PTPRZ1: variants seen among roughly 807,000 people sequenced by gnomAD.
PTPRZ1 encodes protein tyrosine phosphatase receptor type Z1, also known as receptor-type tyrosine-protein phosphatase zeta.
PTPRZ1 carries 82 observed loss-of-function variants against 214.1 expected under a neutral mutation model. That is an observed-to-expected ratio of 0.38 (90% CI 0.32 to 0.46). The LOEUF is 0.46. Among genes scored for constraint, PTPRZ1 ranks in the 20% least tolerant of loss-of-function variants. The pLI is 1.00. For missense variants in PTPRZ1, 2,603 were observed against 2,748.7 expected (o/e 0.95, Z 1.19); for synonymous variants, 945 against 987.9 (o/e 0.96, Z 0.81).
At chr7:122,042,420 A>G (rs774855894) in intron 21 of PTPRZ1, among the ~76,000 whole-genome samples, 188 bp from the exon 22 acceptor site, 1 of 152,230 alleles carries the variant, frequency 6.6e-6, no homozygotes, top group Non-Finnish European at 1.5e-5. Flanking sequence ...GTACTTCTAA[A>G]TTTGTTGTGT....
chr7:122,011,183 T>C lies in PTPRZ1; in HGVS notation c.2137T>C (p.Tyr713His). ...AGTTACAGATCTGGAAATGCCACAT[T>C]ATTCTACCTTTGCCTACTTCCCAAC... ...PSVTDLEMPH[Y>H]STFAYFPTEV... Residue 713 changes from tyrosine (Y) to histidine (H), a missense_variant, in exon 12 of 30, where the codon TAT becomes CAT. Coordinates refer to ENST00000393386, the MANE Select transcript of PTPRZ1 (RefSeq NM_002851.3). 14 of 1,614,082 alleles carry C rather than the reference T, an allele frequency of 8.7e-6. No individual in the cohort carries two copies. Among genetic ancestry groups the C allele is most frequent in the Non-Finnish European group, 1.2e-5 (14 of 1,180,014 alleles).
intron 1 of PTPRZ1, among the ~76,000 whole-genome samples, chr7:121,916,833 T>G (rs1274370015): frequency 6.6e-6 from 1 of 152,200 alleles, no homozygotes; most frequent in Non-Finnish European, 1.5e-5. Flanking sequence ...GATTGGTGGT[T>G]GAAGTGAATC....
At chr7:122,058,601 A>G (rs966357839) in intron 27 of PTPRZ1, among the ~76,000 whole-genome samples, 199 bp from the exon 28 acceptor site, 1 of 152,124 alleles carries the variant, frequency 6.6e-6, no homozygotes, top group African/African-American at 2.4e-5. Flanking sequence ...TTTTGATTCT[A>G]CTAGTAAATC....
chr7:122,013,810 A>C lies in PTPRZ1; in HGVS notation c.4764A>C (p.Glu1588Asp). 6.2e-7 allele frequency: 1 copy of C among 1,614,156 alleles called. No homozygotes were observed. The highest frequency in any genetic ancestry group is 8.5e-7 in the Non-Finnish European group (1 of 1,180,026). The change falls in exon 12 of 30, where the codon GAA (glutamate) becomes GAC (aspartate). Residue 1588 changes from glutamate (E) to aspartate (D), a missense_variant. Glu to Asp is a conservative substitution (Grantham distance 45). Around this residue, in one of 6 missense-constraint regions of PTPRZ1, gnomAD observed 1,913 missense variants for 1,914.3 expected, o/e 1.00. Transcript: ENST00000393386. ...GGATCCTGGCAGCAGGTGACTCAGA[A>C]ATAACTCCTGGATTCCCACAGTCCC... ...ADGILAAGDS[E>D]ITPGFPQSPT...
rs932550686 is a variant in PTPRZ1, at chr7:122,011,951, A to G, written c.2905A>G (p.Ile969Val). ...QGSLFSGPSH[I>V]PIPKSSLITP... ...TTCCTTATTTAGCGGCCCTAGCCATATACCAATACCTAAGTCTTCGTTAAT... is the reference window on the plus strand; with the variant it reads ...TTCCTTATTTAGCGGCCCTAGCCATGTACCAATACCTAAGTCTTCGTTAAT... The change falls in exon 12 of 30, where the codon ATA becomes GTA. Residue 969 changes from isoleucine to valine, a missense_variant. Ile to Val is a conservative substitution (Grantham distance 29). This residue lies in a region of PTPRZ1 where 1,913 missense variants were observed against 1,914.3 expected (regional missense o/e 1.00). Transcript: ENST00000393386. 6.2e-6 allele frequency: 10 copies of G among 1,614,110 alleles called. No homozygotes were observed. Among genetic ancestry groups the G allele is most frequent in the East Asian group, 4.5e-5 (2 of 44,894 alleles).
At chr7:122,030,119 T>A in intron 14 of PTPRZ1, among the ~76,000 whole-genome samples, 1 of 151,992 alleles carries the variant, frequency 6.6e-6, no homozygotes, top group East Asian at 1.9e-4. Flanking sequence ...TCAGACCTAG[T>A]CCAGGAGATC....
chr7:121,882,176 C>T lies in PTPRZ1; in HGVS notation c.58+8619C>T, dbSNP rs573118407. Among the ~76,000 whole-genome samples, 102 of 152,232 alleles carry T rather than the reference C, an allele frequency of 6.7e-4. 1 individual carries two copies. Among genetic ancestry groups the T allele is most frequent in the African/African-American group, 2.4e-3 (101 of 41,544 alleles). On this transcript the variant is annotated intron_variant, in intron 1 of 29. Transcript: ENST00000393386. The stretch of plus-strand genomic sequence containing the variant: ...GCAAGTACAAATTAATTTAATGAAT[C>T]ATTTTTGAGCATCTTCCTTGGGATA...
intron 25 of PTPRZ1, among the ~76,000 whole-genome samples, chr7:122,053,299 C>T (rs1792246424): frequency 6.6e-6 from 1 of 152,128 alleles, no homozygotes; most frequent in African/African-American, 2.4e-5. Context: ...GAGGTATTTA[C>T]TATGGCATAT....
rs1186009605 is a variant in PTPRZ1 at position 122,012,223 on chromosome 7, C to G, written c.3177C>G (p.Phe1059Leu). ...GNETELQIPSFNEMVYPSEST... is the reference protein window; with the variant it reads ...GNETELQIPSLNEMVYPSEST... The stretch of plus-strand genomic sequence containing the variant: ...AGACTGAACTGCAAATTCCTTCTTT[C>G]AATGAGATGGTTTACCCTTCTGAAA... The change falls in exon 12 of 30, where the codon TTC becomes TTG. Residue 1059 changes from phenylalanine (F) to leucine (L), a missense_variant. Phe to Leu is a conservative substitution (Grantham distance 22). Coordinates refer to ENST00000393386, the MANE Select transcript of PTPRZ1 (RefSeq NM_002851.3). The G allele has an allele frequency of 1.9e-6, 3 of 1,613,770 alleles. No homozygotes were observed. In the African/African-American group the frequency reaches 4.0e-5, roughly 22 times the overall value.
At chr7:121,985,759 T>C (rs1031067866) in intron 8 of PTPRZ1, among the ~76,000 whole-genome samples, 2 of 152,180 alleles carry the variant, frequency 1.3e-5, no homozygotes, top group African/African-American at 4.8e-5. Context: ...ACCATACCCA[T>C]AGATGGTAAA....
At chr7:122,047,962 A>G (rs918258090) in intron 23 of PTPRZ1, among the ~76,000 whole-genome samples, 2 of 152,096 alleles carry the variant, frequency 1.3e-5, no homozygotes. Flanking sequence ...CCCATTGCAC[A>G]CATACTCTAA....
At chr7:122,024,519 T>C (rs1371893151) in intron 13 of PTPRZ1, among the ~76,000 whole-genome samples, 1 of 152,132 alleles carries the variant, frequency 6.6e-6, no homozygotes, top group African/African-American at 2.4e-5. Context: ...TGTCACTTGC[T>C]ATATAAAACT....
At chr7:122,017,948 T>G (rs1328783555) in intron 12 of PTPRZ1, among the ~76,000 whole-genome samples, 1 of 152,098 alleles carries the variant, frequency 6.6e-6, no homozygotes, top group Non-Finnish European at 1.5e-5. Flanking sequence ...AGAAAGCTAT[T>G]ATTTTAAATC....
intron 23 of PTPRZ1, among the ~76,000 whole-genome samples, chr7:122,047,840 A>C (rs1259275508): frequency 6.6e-6 from 1 of 151,926 alleles, no homozygotes; most frequent in Non-Finnish European, 1.5e-5. Context: ...TTTTTTGTAG[A>C]GATGGGGTTT....
rs1320175576 is a variant in PTPRZ1, at chr7:122,012,261, C to T, written c.3215C>T (p.Pro1072Leu). ...TACCCTTCTGAAAGCACAGTCATGC[C>T]CAACATGTATGATAATGTAAATAAG... Reference protein sequence around the residue: ...MVYPSESTVMPNMYDNVNKLN... With the variant: ...MVYPSESTVMLNMYDNVNKLN... The change falls in exon 12 of 30, where the codon CCC becomes CTC. Residue 1072 changes from proline to leucine, a missense_variant. By Grantham distance (98) the Pro-to-Leu change is moderately conservative. Coordinates refer to ENST00000393386, the MANE Select transcript of PTPRZ1 (RefSeq NM_002851.3). 6.2e-7 allele frequency: 1 copy of T among 1,614,070 alleles called. No homozygotes were observed. The highest frequency in any genetic ancestry group is 2.2e-5 in the East Asian group (1 of 44,884).
rs546991352 is a variant in PTPRZ1 at position 122,001,886 on chromosome 7, C to T, written c.1241-2728C>T. ...CTTCACTATCTGACTTTTTTCTAGC[C>T]TTTATGGAGTCTATTTTGATGAAGG... On this transcript the variant is annotated intron_variant, in intron 10 of 29. Transcript: ENST00000393386. 1.5e-4 allele frequency among the ~76,000 whole-genome samples: 23 copies of T among 152,150 alleles called. No homozygotes were observed. In the South Asian group the frequency reaches 2.1e-3, roughly 14 times the overall value.
chr7:121,981,140 CAAAA>C (rs34208259), intron 6 of PTPRZ1, among the ~76,000 whole-genome samples: 1 of 129,880 alleles, frequency 7.7e-6, no homozygotes. Context: ...GACTCCGTCT[CAAAA>C]AAAAAAAAAA....
intron 13 of PTPRZ1, among the ~76,000 whole-genome samples, chr7:122,022,578 A>G (rs977756065): frequency 6.6e-6 from 1 of 152,134 alleles, no homozygotes; most frequent in South Asian, 2.1e-4. Flanking sequence ...CAGATATCTG[A>G]TTTGCAATTA....
At chr7:121,904,939 GTCT>G (rs1795073372) in intron 1 of PTPRZ1, among the ~76,000 whole-genome samples, 1 of 152,112 alleles carries the variant, frequency 6.6e-6, no homozygotes, top group Non-Finnish European at 1.5e-5. Flanking sequence ...TTAAAGCTGG[GTCT>G]TTAACTTGAG....
Sources: gnomAD v4.1 joint callset for allele counts (sites outside exome capture counted in the v4.1 genomes callset) on GRCh38, gnomAD v4.1.1 for gene constraint, gnomAD v4.1.1 regional missense constraint, MANE v1.5 for transcripts, NCBI Gene and HGNC (gene_info 2026-07-23, HGNC 2026-07-21) for gene names.